The following TJP2 variants were observed in gnomAD, a reference collection of about 807,000 sequenced individuals.
TJP2 encodes the protein Friedreich ataxia region gene X104 (tight junction protein ZO-2).
TJP2 carries 91 observed loss-of-function variants against 133.1 expected under a neutral mutation model. The ratio of observed to expected loss-of-function variants is 0.68; its 90% CI spans 0.58 to 0.81. The LOEUF (loss-of-function observed/expected upper bound fraction) is 0.81. Ranked by LOEUF, TJP2 falls within the 40% of genes least tolerant of loss-of-function variation. The probability of loss-of-function intolerance (pLI) is 0.00; values close to 1 mark genes in which losing one functional copy is unlikely to be tolerated. For missense variants in TJP2, 1,541 were observed against 1,565.6 expected (o/e 0.98, Z 0.26); for synonymous variants, 592 against 583.4 (o/e 1.01, Z -0.21).
chr9:69,248,283 C>G (rs768278655), intron 19 of TJP2, 59 bp downstream of exon 19: 1 of 1,533,412 alleles, frequency 6.5e-7, no homozygotes, highest in Non-Finnish European at 8.8e-7. Flanking sequence ...CTTGCACTCT[C>G]GTGGACAGCT....
In TJP2 at chr9:69,162,025, CAA is replaced by C. The variant is rs573191793; in HGVS notation, c.-10+10255_-10+10256del. ...TGCCATGGTACTCCAGTCTGGGTGA[CAA>C]GAGCAAAAACTCCATCTCAAATAAA... On this transcript the variant is annotated intron_variant, in intron 2 of 5. Coordinates refer to the TJP2 transcript ENST00000423935. Among the ~76,000 whole-genome samples the C allele has an allele frequency of 3.5e-3, 529 of 149,406 alleles. 1 individual carries two copies. The highest frequency in any genetic ancestry group is 0.012 in the African/African-American group (509 of 41,056).
At chr9:69,176,047 G>A (rs1223417784) in intron 1 of TJP2, among the ~76,000 whole-genome samples, 1 of 152,174 alleles carries the variant, frequency 6.6e-6, no homozygotes, top group Non-Finnish European at 1.5e-5. Context: ...ACTTTACTCT[G>A]CAATCTGTGT....
intron 1 of TJP2, among the ~76,000 whole-genome samples, chr9:69,145,016 G>A (rs1053520963): frequency 2.0e-5 from 3 of 152,172 alleles, no homozygotes; most frequent in African/African-American, 7.2e-5. Context: ...GGTAGATTCT[G>A]AACCTCTCCA....
chr9:69,185,685 T>C (rs1825809399), intron 1 of TJP2, among the ~76,000 whole-genome samples: 1 of 152,168 alleles, frequency 6.6e-6, no homozygotes, highest in Non-Finnish European at 1.5e-5. Flanking sequence ...AATATATAAA[T>C]CTGGCTGATA....
chr9:69,190,943 G>A (rs915292231), intron 1 of TJP2, among the ~76,000 whole-genome samples: 8 of 152,334 alleles, frequency 5.3e-5, no homozygotes, highest in Non-Finnish European at 1.0e-4. Flanking sequence ...TTGAGAAAAT[G>A]TTTCCTGGCT....
intron 1 of TJP2, among the ~76,000 whole-genome samples, chr9:69,209,599 C>CA (rs1563911860): frequency 6.7e-6 from 1 of 149,922 alleles, no homozygotes; most frequent in African/African-American, 2.4e-5. Context: ...ACTAAAAATA[C>CA]AAAAATTAGC....
rs189236553 is a variant in TJP2 at position 69,159,706 on chromosome 9, G to A, written c.-10+7935G>A. Reference sequence around the variant, plus strand: ...ATCCTGGCTAACACGGTGAAACCCCGTCTCTACCAAAAATGCAAAAAATTA... The same window carrying A: ...ATCCTGGCTAACACGGTGAAACCCCATCTCTACCAAAAATGCAAAAAATTA... On this transcript the variant is annotated intron_variant, in intron 2 of 5. Coordinates refer to the TJP2 transcript ENST00000423935. Among the ~76,000 whole-genome samples, 266 of 151,950 alleles carry A rather than the reference G, an allele frequency of 1.8e-3. 1 individual carries two copies. The highest frequency in any genetic ancestry group is 3.0e-3 in the Non-Finnish European group (201 of 67,962).
At chr9:69,215,946 A>G (rs531508486) in intron 2 of TJP2, among the ~76,000 whole-genome samples, 5 of 152,224 alleles carry the variant, frequency 3.3e-5, no homozygotes, top group Non-Finnish European at 2.9e-5. Context: ...TAAAAAATAC[A>G]GTTTTAGTAC....
intron 1 of TJP2, among the ~76,000 whole-genome samples, chr9:69,207,479 A>G (rs974463890): frequency 2.6e-5 from 4 of 152,148 alleles, no homozygotes; most frequent in African/African-American, 9.7e-5. Flanking sequence ...ATATTTTCCA[A>G]GTTTTGGCTG....
At chr9:69,246,925 G>C (rs2275429) in intron 18 of TJP2, 135 bp downstream of exon 18, 1 of 807,856 alleles carries the variant, frequency 1.2e-6, no homozygotes, top group Non-Finnish European at 2.1e-6. Context: ...TTGAAATTTC[G>C]TAAATTCTCT....
chr9:69,219,932 C>T (rs546696517), intron 4 of TJP2, among the ~76,000 whole-genome samples: 1 of 151,736 alleles, frequency 6.6e-6, no homozygotes, highest in Non-Finnish European at 1.5e-5. Context: ...AGGCAGATCA[C>T]CTGAGGTCAG....
rs988272004 is a variant in TJP2 at position 69,251,691 on chromosome 9, G to A, written c.3321+327G>A. On this transcript the variant is annotated intron_variant, in intron 21 of 22. Transcript: ENST00000377245. ...AGAATGTGATTTTTTTTTCTTAAAC[G>A]TGTCTTCATTGGCTCCCAGATTTGC... Among the ~76,000 whole-genome samples the A allele has an allele frequency of 9.9e-5, 15 of 152,072 alleles. 1 individual carries two copies. Among genetic ancestry groups the A allele is most frequent in the South Asian group, 2.1e-4 (1 of 4,828 alleles).
In TJP2 at chr9:69,216,484, C is replaced by G. The variant is rs760844348; in HGVS notation, c.239+21C>G. On this transcript the variant is annotated intron_variant, in intron 3 of 22. Transcript: ENST00000377245. The stretch of plus-strand genomic sequence containing the variant: ...CTCCAGTGAGTGTCCTCCCTCGCTC[C>G]GCAGCCCCTACCAGCCCTACTGGTT... The G allele has an allele frequency of 5.0e-6, 8 of 1,613,482 alleles. No individual in the cohort carries two copies. In the South Asian group the frequency reaches 8.8e-5, roughly 18 times the overall value.
intron 1 of TJP2, among the ~76,000 whole-genome samples, chr9:69,187,321 A>C (rs558012255): frequency 1.2e-4 from 19 of 152,326 alleles, no homozygotes; most frequent in African/African-American, 4.6e-4. Flanking sequence ...ATTATATCAC[A>C]GCAATGAACT....
chr9:69,216,800 G>A (rs903638819), intron 3 of TJP2, among the ~76,000 whole-genome samples: 4 of 151,974 alleles, frequency 2.6e-5, no homozygotes, highest in African/African-American at 9.7e-5. Context: ...CACTGTTTAT[G>A]TTTGTTTTAA....
chr9:69,171,944 C>T (rs1489198210), upstream of TJP2, among the ~76,000 whole-genome samples: 7 of 152,002 alleles, frequency 4.6e-5, no homozygotes, highest in African/African-American at 1.4e-4. Flanking sequence ...TACAGGCGTG[C>T]GCCACCACGC....
intron 1 of TJP2, among the ~76,000 whole-genome samples, chr9:69,127,605 G>A (rs10869916): frequency 0.57 from 41,304 of 71,972 alleles, 18,732 homozygotes; most frequent in East Asian, 1. Context: ...ATTTTCCCCA[G>A]TAAACCCCCT....
intron 1 of TJP2, among the ~76,000 whole-genome samples, chr9:69,199,414 C>T (rs959677286): frequency 2.0e-5 from 3 of 151,992 alleles, no homozygotes; most frequent in African/African-American, 7.3e-5. Context: ...CCTTTAAGTC[C>T]CAGCTACTCC....
At chr9:69,150,655 C>T (rs1823429066) in intron 1 of TJP2, among the ~76,000 whole-genome samples, 2 of 152,164 alleles carry the variant, frequency 1.3e-5, no homozygotes, top group Non-Finnish European at 2.9e-5. Flanking sequence ...ACCTGAAAGG[C>T]GAATTCTTAT....
Sources: allele counts gnomAD v4.1 joint callset (sites outside exome capture counted in the v4.1 genomes callset), GRCh38; gene constraint gnomAD v4.1.1; transcripts MANE v1.5; gene names NCBI Gene and HGNC (gene_info 2026-07-23, HGNC 2026-07-21).